The following ROBO2 variants were observed in gnomAD, a reference collection of about 807,000 sequenced individuals.
ROBO2 encodes roundabout guidance receptor 2, also known as roundabout homolog 2.
Under a neutral mutation model 160.8 loss-of-function variants are expected in ROBO2, and 53 were observed. That is an observed-to-expected ratio of 0.33 (90% CI 0.26 to 0.41). The LOEUF is 0.41. Ranked by LOEUF, ROBO2 falls within the 10% of genes least tolerant of loss-of-function variation. The pLI, the probability that ROBO2 is intolerant of heterozygous loss-of-function variation, is 1.00. For synonymous variants in ROBO2, 664 were observed against 611.7 expected (o/e 1.09, Z -1.26); for missense variants, 1,577 against 1,722.4 (o/e 0.92, Z 1.49).
Position 77,256,339 on chromosome 3 carries a change from A to G in ROBO2, c.388+157999A>G, listed in dbSNP as rs116770312. On this transcript the variant is annotated intron_variant, in intron 2 of 25. Coordinates refer to ENST00000461745, the Ensembl canonical transcript of ROBO2. Reference sequence around the variant, plus strand: ...TTTTTTATAGTGCTCAAAAATATTTATAATGTATCTGTGCTAAAAACAAGT... The same window carrying G: ...TTTTTTATAGTGCTCAAAAATATTTGTAATGTATCTGTGCTAAAAACAAGT... 4.7e-3 allele frequency among the ~76,000 whole-genome samples: 721 copies of G among 152,334 alleles called. 7 individuals are homozygous for G. Among genetic ancestry groups the G allele is most frequent in the African/African-American group, 0.017 (689 of 41,580 alleles).
exon 10 of ROBO2, chr3:77,562,667 C>T (rs1320059417): frequency 1.9e-6 from 3 of 1,612,432 alleles, no homozygotes; most frequent in African/African-American, 1.3e-5. Context: ...GATACTGGCA[C>T]TTATACTTGT....
At chr3:76,381,888 C>T (rs1462788828) in intron 2 of ROBO2, among the ~76,000 whole-genome samples, 1 of 152,098 alleles carries the variant, frequency 6.6e-6, no homozygotes, top group Non-Finnish European at 1.5e-5. Context: ...AGCTGGGGAG[C>T]CCACTGTCAA....
intron 2 of ROBO2, among the ~76,000 whole-genome samples, chr3:76,948,718 T>G (rs1273887677): frequency 4.8e-5 from 7 of 145,798 alleles, no homozygotes; most frequent in Non-Finnish European, 9.0e-5. Flanking sequence ...TTTAATTTTT[T>G]TTTTTTGAGA....
chr3:76,782,812 C>T (rs2062733758), intron 2 of ROBO2, among the ~76,000 whole-genome samples: 1 of 150,218 alleles, frequency 6.7e-6, no homozygotes, highest in Middle Eastern at 3.2e-3. Flanking sequence ...GTTTTTTTAT[C>T]CTTTAGTCAC....
intron 2 of ROBO2, among the ~76,000 whole-genome samples, chr3:75,941,423 T>A (rs1465103865): frequency 6.6e-6 from 1 of 152,214 alleles, no homozygotes. Flanking sequence ...CAAGCATAAT[T>A]TTAGAGTTTT....
At chr3:76,223,590 G>A (rs1484839506) in intron 2 of ROBO2, among the ~76,000 whole-genome samples, 1 of 152,084 alleles carries the variant, frequency 6.6e-6, no homozygotes, top group Non-Finnish European at 1.5e-5. Context: ...TTCCCCAATC[G>A]GTGCCCTCAT....
intron 2 of ROBO2, among the ~76,000 whole-genome samples, chr3:77,221,359 C>T (rs1265120190): frequency 6.6e-6 from 1 of 152,194 alleles, no homozygotes; most frequent in Non-Finnish European, 1.5e-5. Flanking sequence ...TTGGTAAATA[C>T]AGCAGAAATA....
chr3:77,489,971 CAG>C (rs1162643324), intron 4 of ROBO2, among the ~76,000 whole-genome samples: 1 of 152,094 alleles, frequency 6.6e-6, no homozygotes, highest in African/African-American at 2.4e-5. Context: ...TTATATTTTG[CAG>C]AGTGTCTGCA....
chr3:77,406,808 T>C (rs2076288156), intron 2 of ROBO2, among the ~76,000 whole-genome samples: 2 of 152,190 alleles, frequency 1.3e-5, no homozygotes, highest in South Asian at 2.1e-4. Flanking sequence ...ATTTTTGCTC[T>C]TTGAATTATT....
chr3:76,035,938 T>A lies in ROBO2; in HGVS notation c.109+98336T>A, dbSNP rs548283031. 1.7e-4 allele frequency among the ~76,000 whole-genome samples: 26 copies of A among 152,112 alleles called. No individual in the cohort carries two copies. In the South Asian group the frequency reaches 5.4e-3, roughly 32 times the overall value. On this transcript the variant is annotated intron_variant, in intron 2 of 26. Coordinates refer to the ROBO2 transcript ENST00000487694. ...CATGGAAAAACGCAAGACCCTCAAA[T>A]CATTGTATTGTCCTAACAGCTTTCG...
chr3:76,777,263 G>A (rs1240830423), intron 2 of ROBO2, among the ~76,000 whole-genome samples: 1 of 151,094 alleles, frequency 6.6e-6, no homozygotes, highest in Non-Finnish European at 1.5e-5. Flanking sequence ...GCACAAAGGA[G>A]TTGAACACTC....
At chr3:76,479,955 G>A (rs1399085752) in intron 2 of ROBO2, among the ~76,000 whole-genome samples, 1 of 152,116 alleles carries the variant, frequency 6.6e-6, no homozygotes, top group African/African-American at 2.4e-5. Flanking sequence ...TTGGTAATTA[G>A]TGATTTGATG....
chr3:77,063,914 C>T (rs2066576343), intron 1 of ROBO2, among the ~76,000 whole-genome samples: 1 of 152,154 alleles, frequency 6.6e-6, no homozygotes. Context: ...TGGGCAATTG[C>T]CTATCTATCC....
chr3:76,737,196 G>A (rs976519406), intron 2 of ROBO2, among the ~76,000 whole-genome samples: 1 of 151,930 alleles, frequency 6.6e-6, no homozygotes, highest in Non-Finnish European at 1.5e-5. Flanking sequence ...TAAAACTTTT[G>A]TATGAAGTTT....
At position 77,265,558 on chromosome 3, in the gene ROBO2, G is replaced by A. The variant is rs1222932554; in HGVS notation, c.388+167218G>A. Among the ~76,000 whole-genome samples, 8 of 152,098 alleles carry A rather than the reference G, an allele frequency of 5.3e-5. No individual in the cohort carries two copies. The East Asian group carries it at 1.5e-3, about 29-fold the overall frequency. On this transcript the variant is annotated intron_variant, in intron 2 of 25. Coordinates refer to ENST00000461745, the Ensembl canonical transcript of ROBO2. ...CCCTCTTCCATTTCCATTATTCTAA[G>A]TCATGCTCCTTGAGACTTCAATCTC...
At chr3:76,885,025 C>G (rs1390121149) in intron 2 of ROBO2, among the ~76,000 whole-genome samples, 2 of 152,040 alleles carry the variant, frequency 1.3e-5, no homozygotes, top group Non-Finnish European at 2.9e-5. Context: ...ACAATGGATG[C>G]AAATCGGCTG....
At chr3:76,859,773 T>C (rs1487611264) in intron 2 of ROBO2, among the ~76,000 whole-genome samples, 1 of 152,186 alleles carries the variant, frequency 6.6e-6, no homozygotes, top group Non-Finnish European at 1.5e-5. Context: ...GGCTGGCATA[T>C]GGCAGTTAAC....
intron 2 of ROBO2, among the ~76,000 whole-genome samples, chr3:77,432,499 A>G (rs1283021929): frequency 6.6e-6 from 1 of 152,192 alleles, no homozygotes; most frequent in Non-Finnish European, 1.5e-5. Context: ...TAACGATATT[A>G]TAGACCAGGG....
rs1491236295 is a variant in ROBO2, at chr3:77,428,337, A to ATTTTTTT, written c.389-49076_389-49075insTTTTTTT. Among the ~76,000 whole-genome samples the ATTTTTTT allele has an allele frequency of 7.6e-4, 98 of 128,260 alleles. 4 individuals carry two copies. The highest frequency in any genetic ancestry group is 2.3e-3 in the South Asian group (9 of 3,876). The allele number at this position is 128,260 out of a possible 152,430, so 84.1% of individuals were successfully genotyped here. ...AGGCATTCACAGCAAAACTTAGGTA[A>ATTTTTTT]TATTTTTTTTTTTTTTTTTTTTTTT... On this transcript the variant is annotated intron_variant, in intron 2 of 25. Coordinates refer to ENST00000461745, the Ensembl canonical transcript of ROBO2.
Sources: allele counts gnomAD v4.1 joint callset (sites outside exome capture counted in the v4.1 genomes callset), GRCh38; gene constraint gnomAD v4.1.1; transcripts MANE v1.5; gene names NCBI Gene and HGNC (gene_info 2026-07-23, HGNC 2026-07-21).